Variants in NAV2 observed in about 807,000 individuals in gnomAD.
NAV2 encodes helicase, APC down-regulated 1.
NAV2 carries 54 observed loss-of-function variants against 223.2 expected under a neutral mutation model. The ratio of observed to expected loss-of-function variants is 0.24; its 90% CI spans 0.19 to 0.30. The LOEUF (loss-of-function observed/expected upper bound fraction) is 0.30. Among genes scored for constraint, NAV2 ranks in the 10% least tolerant of loss-of-function variants. The pLI, the probability that NAV2 is intolerant of heterozygous loss-of-function variation, is 1.00. For synonymous variants in NAV2, 1,279 were observed against 1,239.3 expected, an observed-to-expected ratio of 1.03 and a Z score of -0.67; for missense variants, 2,806 against 3,147.5, an observed-to-expected ratio of 0.89 and a Z score of 2.60.
At chr11:19,454,987 T>C (rs1851912724) in intron 1 of NAV2, among the ~76,000 whole-genome samples, 1 of 152,136 alleles carries the variant, frequency 6.6e-6, no homozygotes, top group African/African-American at 2.4e-5. Context: ...GAAATGCAAA[T>C]TCTCAGGCCC....
chr11:19,532,961 C>T (rs913080202), intron 1 of NAV2, among the ~76,000 whole-genome samples: 1 of 152,194 alleles, frequency 6.6e-6, no homozygotes, highest in Non-Finnish European at 1.5e-5. Context: ...GTTTAGTGCT[C>T]TTTGACCATA....
intron 1 of NAV2, among the ~76,000 whole-genome samples, chr11:19,387,872 T>C (rs975441177): frequency 6.6e-6 from 1 of 152,212 alleles, no homozygotes; most frequent in African/African-American, 2.4e-5. Flanking sequence ...AATGTGTGGT[T>C]CCCTTCTATG....
chr11:19,364,209 A>G (rs2133811905), intron 1 of NAV2, among the ~76,000 whole-genome samples: 1 of 152,282 alleles, frequency 6.6e-6, no homozygotes, highest in East Asian at 1.9e-4. Context: ...GCTTGTTATG[A>G]ATAACAAAAG....
intron 2 of NAV2, among the ~76,000 whole-genome samples, chr11:19,841,892 G>A (rs1167332822): frequency 6.6e-6 from 1 of 152,130 alleles, no homozygotes; most frequent in Non-Finnish European, 1.5e-5. Flanking sequence ...CATTTTACTG[G>A]CATCATCTAA....
chr11:20,061,741 T>C (rs1041250192), intron 19 of NAV2, among the ~76,000 whole-genome samples: 1 of 152,220 alleles, frequency 6.6e-6, no homozygotes, highest in African/African-American at 2.4e-5. Flanking sequence ...TTGATGGATA[T>C]GTTTTCTAAA....
At chr11:19,375,489 C>G (rs982875353) in intron 1 of NAV2, among the ~76,000 whole-genome samples, 1 of 152,198 alleles carries the variant, frequency 6.6e-6, no homozygotes, top group African/African-American at 2.4e-5. Context: ...TCCTCCCCCA[C>G]AAACTCAGCT....
At position 19,750,900 on chromosome 11, in the gene NAV2, G is replaced by A. The variant is rs1303939702; in HGVS notation, c.267+36938G>A. ...ATACACTGTGCTAAGTGCTTTTTAT[G>A]TATGCTTCATCTGATTCCCACCAGG... On this transcript the variant is annotated intron_variant, in intron 1 of 37. Coordinates refer to ENST00000349880, the MANE Select transcript of NAV2 (RefSeq NM_145117.5). 3.3e-5 allele frequency among the ~76,000 whole-genome samples: 5 copies of A among 152,270 alleles called. 1 individual carries two copies. The highest frequency in any genetic ancestry group is 4.2e-4 in the South Asian group (2 of 4,818).
At chr11:19,804,789 C>T (rs563422241) in intron 1 of NAV2, among the ~76,000 whole-genome samples, 1 of 152,266 alleles carries the variant, frequency 6.6e-6, no homozygotes, top group South Asian at 2.1e-4. Flanking sequence ...GGGGATAAGA[C>T]ATGTAAGAAA....
intron 3 of NAV2, among the ~76,000 whole-genome samples, chr11:19,849,425 T>A (rs976237832): frequency 2.0e-5 from 3 of 152,196 alleles, no homozygotes; most frequent in African/African-American, 7.2e-5. Context: ...GATGGCAACA[T>A]GAAAGCTGAA....
At chr11:19,618,339 T>C (rs77758890) in intron 1 of NAV2, among the ~76,000 whole-genome samples, 17,397 of 151,164 alleles carry the variant, frequency 0.12, 2,741 homozygotes, top group African/African-American at 0.36. Context: ...GATGGATGGA[T>C]TGCTTGATGG....
chr11:19,853,010 A>G (rs2061232307), intron 3 of NAV2, among the ~76,000 whole-genome samples: 2 of 152,248 alleles, frequency 1.3e-5, no homozygotes, highest in South Asian at 4.1e-4. Flanking sequence ...CCAAAATAAC[A>G]GATTATTTTT....
chr11:19,859,377 C>A (rs1157351300), intron 3 of NAV2, among the ~76,000 whole-genome samples: 2 of 150,394 alleles, frequency 1.3e-5, no homozygotes, highest in Admixed American at 1.3e-4. Context: ...TTCTGTTTAA[C>A]AAAGCACATC....
At chr11:19,454,151 G>A (rs1851882728) in intron 1 of NAV2, among the ~76,000 whole-genome samples, 1 of 152,206 alleles carries the variant, frequency 6.6e-6, no homozygotes. Context: ...GGTGAAGGCT[G>A]GGTCAGACTG....
At chr11:19,362,606 T>A (rs1320820440) in intron 1 of NAV2, among the ~76,000 whole-genome samples, 1 of 152,176 alleles carries the variant, frequency 6.6e-6, no homozygotes, top group African/African-American at 2.4e-5. Flanking sequence ...ACATCTTTAA[T>A]TATTGGACAC....
intron 1 of NAV2, among the ~76,000 whole-genome samples, chr11:19,718,092 C>G (rs1235614767): frequency 2.8e-5 from 4 of 141,412 alleles, no homozygotes; most frequent in African/African-American, 1.0e-4. Flanking sequence ...TGTTCTGCAG[C>G]AGCAGCACAC....
At chr11:19,613,224 G>T (rs186007984) in intron 1 of NAV2, among the ~76,000 whole-genome samples, 274 of 152,048 alleles carry the variant, frequency 1.8e-3, no homozygotes, top group African/African-American at 6.2e-3. Flanking sequence ...ATTTTGGTGG[G>T]GACACAGCCA....
At chr11:19,730,429 A>G (rs944868036) in intron 1 of NAV2, among the ~76,000 whole-genome samples, 2 of 152,198 alleles carry the variant, frequency 1.3e-5, no homozygotes, top group Non-Finnish European at 2.9e-5. Flanking sequence ...AAGCCCCTGA[A>G]TGGACCCATT....
chr11:19,487,178 G>A (rs2042471625), intron 1 of NAV2, among the ~76,000 whole-genome samples: 1 of 152,164 alleles, frequency 6.6e-6, no homozygotes, highest in Non-Finnish European at 1.5e-5. Context: ...GCAGAGAGAG[G>A]ATGCAGCCAG....
intron 1 of NAV2, among the ~76,000 whole-genome samples, chr11:19,474,734 C>G (rs1254772870): frequency 6.6e-6 from 1 of 152,200 alleles, no homozygotes; most frequent in East Asian, 1.9e-4. Context: ...GCTCACAGGA[C>G]TAAAAATCAA....
Sources: gnomAD v4.1 joint callset for allele counts (sites outside exome capture counted in the v4.1 genomes callset) on GRCh38, gnomAD v4.1.1 for gene constraint, MANE v1.5 for transcripts, NCBI Gene and HGNC (gene_info 2026-07-23, HGNC 2026-07-21) for gene names.